Variants in PARP10 observed in about 807,000 individuals in gnomAD.
The protein encoded by PARP10 is protein mono-ADP-ribosyltransferase PARP10.
In PARP10, 56 loss-of-function variants were observed where a neutral mutation model predicts 82.4. The observed-to-expected ratio is 0.68, with a 90% CI of 0.55 to 0.85. The LOEUF is 0.85. Among genes scored for constraint, PARP10 ranks in the 40% least tolerant of loss-of-function variants. PARP10 has a pLI of 0.00. For missense variants in PARP10, 1,227 were observed against 1,379.4 expected (o/e 0.89, Z 1.75); for synonymous variants, 576 against 601.1 (o/e 0.96, Z 0.61).
chr8:143,977,967 C>T lies in PARP10; in HGVS notation c.2671G>A (p.Ala891Thr). ...VEQVLYHGTT[A>T]PAVPDICAHG... is the part of the protein sequence containing the mutation. ...GCGCAGATGTCAGGCACTGCCGGTG[C>T]CGTCGTGCCGTGGTACAGCACCTGC... is the stretch of plus-strand genomic sequence containing the variant. The change falls in exon 10 of 11, where the codon GCA (alanine) becomes ACA (threonine). Residue 891 changes from alanine (A) to threonine (T), a missense_variant. Coordinates refer to ENST00000313028, the MANE Select transcript of PARP10 (RefSeq NM_032789.5). The T allele has an allele frequency of 6.3e-7, 1 of 1,599,354 alleles. No homozygotes were observed. Among genetic ancestry groups the T allele is most frequent in the Non-Finnish European group, 8.5e-7 (1 of 1,179,144 alleles).
upstream of PARP10, chr8:143,989,952 A>G (rs1442193766): frequency 4.6e-5 from 7 of 152,194 alleles, no homozygotes; most frequent in Non-Finnish European, 1.0e-4. The surrounding 1 kb of genome is among the most constrained non-coding windows in gnomAD (Gnocchi z 4.3). Flanking sequence ...CGGAGCGAAG[A>G]GGAACACGCA....
At chr8:143,989,501 T>TCAA (rs1465402974), upstream of PARP10, 1 of 152,210 alleles carries the variant, frequency 6.6e-6, no homozygotes, top group East Asian at 1.9e-4. The surrounding 1 kb of genome is among the most constrained non-coding windows in gnomAD (Gnocchi z 4.3). Context: ...CCTGAGCTGA[T>TCAA]GGATACCCCA....
In PARP10 at chr8:143,984,878, C is replaced by T. The variant is rs1056503809; in HGVS notation, c.1124G>A (p.Gly375Glu). ...LRPVGLQEQE[G>E]PMSLGPVGSA... ...CCCCACAGGCCCCAGGCTCATGGGCCCCTCCTGTTCCTGCAACCCCACAGG... is the reference window on the plus strand; with the variant it reads ...CCCCACAGGCCCCAGGCTCATGGGCTCCTCCTGTTCCTGCAACCCCACAGG... Residue 375 changes from glycine to glutamate, a missense_variant, in exon 5 of 11, where the codon GGG (glycine) becomes GAG (glutamate). Gly to Glu is a moderately conservative substitution (Grantham distance 98). Coordinates refer to ENST00000313028, the MANE Select transcript of PARP10 (RefSeq NM_032789.5). 1 of 1,613,914 alleles carries T rather than the reference C, an allele frequency of 6.2e-7. No individual in the cohort carries two copies. Among genetic ancestry groups the T allele is most frequent in the Non-Finnish European group, 8.5e-7 (1 of 1,179,950 alleles).
chr8:143,984,180 G>C (rs1301451211), intron 6 of PARP10, 30 bp downstream of exon 6: 1 of 1,598,812 alleles, frequency 6.3e-7, no homozygotes, highest in Non-Finnish European at 8.6e-7. Flanking sequence ...CGTGAGAAAG[G>C]GGAGGGCAGG....
chr8:143,977,990 T>C lies in PARP10; in HGVS notation c.2648A>G (p.Gln883Arg). 1 of 1,594,378 alleles carries C rather than the reference T, an allele frequency of 6.3e-7. No homozygotes were observed. Among genetic ancestry groups the C allele is most frequent in the Non-Finnish European group, 8.5e-7 (1 of 1,176,582 alleles). ...LQRCERRPVE[Q>R]VLYHGTTAPA... is the part of the protein sequence containing the mutation. Reference sequence around the variant, plus strand: ...TGCCGTCGTGCCGTGGTACAGCACCTGCTCCACCGGGCGCCGCTCGCATCG... The same window carrying C: ...TGCCGTCGTGCCGTGGTACAGCACCCGCTCCACCGGGCGCCGCTCGCATCG... The change falls in exon 10 of 11, where the codon CAG becomes CGG. Residue 883 changes from glutamine (Q) to arginine (R), a missense_variant. Coordinates refer to ENST00000313028, the MANE Select transcript of PARP10 (RefSeq NM_032789.5).
intron 7 of PARP10, 27 bp downstream of exon 7, chr8:143,983,981 G>A (rs782228971): frequency 3.3e-6 from 5 of 1,497,572 alleles, no homozygotes; most frequent in Non-Finnish European, 4.5e-6. Context: ...GCCACAGGAT[G>A]TGCTGAGGGC....
chr8:143,992,291 G>A, upstream of PARP10: 1 of 1,592,774 alleles, frequency 6.3e-7, no homozygotes, highest in Non-Finnish European at 8.6e-7. Flanking sequence ...ATGATCGCCA[G>A]CTTCTACAAC....
At position 143,985,865 on chromosome 8, in the gene PARP10, G is replaced by T; in HGVS notation, c.292C>A (p.Pro98Thr). Reference sequence around the variant, plus strand: ...TCCAAGCGCTGGGGCGTGGTGCCAGGGGGCAGTCCTTGGAGCAGCAGGCGT... The same window carrying T: ...TCCAAGCGCTGGGGCGTGGTGCCAGTGGGCAGTCCTTGGAGCAGCAGGCGT... The part of the protein sequence containing the change: ...PARLLLQGLP[P>T]GTTPQRLEQH... Residue 98 changes from proline (P) to threonine (T), a missense_variant, in exon 3 of 11, where the codon CCT becomes ACT. Pro to Thr is a conservative substitution (Grantham distance 38, BLOSUM62 -1). Coordinates refer to ENST00000313028, the MANE Select transcript of PARP10 (RefSeq NM_032789.5). The T allele has an allele frequency of 6.2e-7, 1 of 1,608,000 alleles. No homozygotes were observed. Among genetic ancestry groups the T allele is most frequent in the African/African-American group, 1.3e-5 (1 of 75,000 alleles).
At chr8:143,991,644 G>A (rs1554750520), upstream of PARP10, 1 of 1,590,462 alleles carries the variant, frequency 6.3e-7, no homozygotes. Context: ...CGGGAGGGCA[G>A]GGGGAGGTGC....
chr8:144,009,985 T>C (rs1349720391), intron 1 of PARP10, among the ~76,000 whole-genome samples: 1 of 152,176 alleles, frequency 6.6e-6, no homozygotes, highest in Non-Finnish European at 1.5e-5. Flanking sequence ...CTCCAATCTG[T>C]TCCCACATGC....
At chr8:143,993,110 G>A, upstream of PARP10, 1 of 441,912 alleles carries the variant, frequency 2.3e-6, no homozygotes, top group Admixed American at 4.0e-5. Context: ...ACTCATTGTT[G>A]CATGAGCCCT....
In PARP10 at chr8:143,977,435, G is replaced by A. The variant is rs1232044777; in HGVS notation, c.*49C>T. Reference sequence around the variant, plus strand: ...TTGGGGGCGGGGAGCATCAGCCTGTGCGGAGCTGGGAGCCTGGGAAGCAGG... The same window carrying A: ...TTGGGGGCGGGGAGCATCAGCCTGTACGGAGCTGGGAGCCTGGGAAGCAGG... On this transcript the variant is annotated 3_prime_UTR_variant, in exon 11 of 11. Transcript: ENST00000313028. The A allele has an allele frequency of 4.1e-6, 6 of 1,454,142 alleles. No individual in the cohort carries two copies. Among genetic ancestry groups the A allele is most frequent in the Non-Finnish European group, 3.7e-6 (4 of 1,085,738 alleles). The allele number at this position is 1,454,142 out of a possible 1,614,324, so 90.1% of individuals were successfully genotyped here.
chr8:144,001,737 A>T (rs1834204586), intron 1 of PARP10, among the ~76,000 whole-genome samples: 1 of 150,114 alleles, frequency 6.7e-6, no homozygotes, highest in South Asian at 2.1e-4. Flanking sequence ...AAGAGAAAAG[A>T]AAAGAAAAGA....
chr8:143,985,694 C>A (rs1178149531), intron 3 of PARP10, 27 bp downstream of exon 3: 10 of 1,600,974 alleles, frequency 6.2e-6, no homozygotes, highest in Non-Finnish European at 8.5e-6. Context: ...CCCTAGCCAG[C>A]ACCTCAACCC....
Position 143,985,783 on chromosome 8 carries a change from G to T in PARP10, c.374C>A (p.Ala125Asp), listed in dbSNP as rs781846499. 1.2e-6 allele frequency: 2 copies of T among 1,612,010 alleles called. No individual in the cohort carries two copies. Among genetic ancestry groups the T allele is most frequent in the South Asian group, 2.2e-5 (2 of 91,016 alleles). Residue 125 changes from alanine to aspartate, a missense_variant, in exon 3 of 11, where the codon GCC (alanine) becomes GAC (aspartate). Physicochemically the swap from Ala to Asp is moderately radical, Grantham distance 126. Transcript: ENST00000313028. ...ASGLPVQPCC[A>D]LASPRPDRAL... ...CCGGTCTGGCCGGGGGCTGGCCAAG[G>T]CACAGCAAGGCTGTACTGGGAGCCC... is the stretch of plus-strand genomic sequence containing the variant.
chr8:144,007,662 TG>T (rs1834244159), intron 1 of PARP10, among the ~76,000 whole-genome samples: 2 of 151,724 alleles, frequency 1.3e-5, no homozygotes, highest in African/African-American at 4.8e-5. Context: ...CTAGCTCCAA[TG>T]GGGTGTCAGA....
At chr8:143,979,202 T>G (rs1251321762) in intron 9 of PARP10, among the ~76,000 whole-genome samples, 2 of 151,860 alleles carry the variant, frequency 1.3e-5, no homozygotes. Flanking sequence ...CTCGATCTCC[T>G]GACCTCGTGA....
intron 9 of PARP10, among the ~76,000 whole-genome samples, chr8:143,980,010 T>C (rs1554747312): frequency 1.7e-5 from 1 of 59,980 alleles, no homozygotes; most frequent in Non-Finnish European, 2.8e-5. Flanking sequence ...AGACTCCGTC[T>C]CAAAAAAAAA....
Position 143,985,567 on chromosome 8 carries a change from C to T in PARP10, c.518G>A (p.Arg173Gln), listed in dbSNP as rs782602082. ...ACCATCCCCCACCACACGCACCGCT[C>T]GGGCCTGGGGAACCCGGGCCAGGGA... ...LVSLARVPQARAVRVVGDGAS... is the reference protein window; with the variant it reads ...LVSLARVPQAQAVRVVGDGAS... Residue 173 changes from arginine (R) to glutamine (Q), a missense_variant, in exon 4 of 11, where the codon CGA becomes CAA. By Grantham distance (43) the Arg-to-Gln change is conservative (BLOSUM62 1). Transcript: ENST00000313028. 25 of 1,613,930 alleles carry T rather than the reference C, an allele frequency of 1.5e-5. No homozygotes were observed. The highest frequency in any genetic ancestry group is 1.2e-4 in the South Asian group (11 of 91,084).
Sources: gnomAD v4.1 joint callset for allele counts (sites outside exome capture counted in the v4.1 genomes callset) on GRCh38, gnomAD v4.1.1 for gene constraint, Gnocchi (gnomAD v3.1) non-coding constraint, MANE v1.5 for transcripts, NCBI Gene and HGNC (gene_info 2026-07-23, HGNC 2026-07-21) for gene names.